TTBK2: variants seen among roughly 807,000 people sequenced by gnomAD.
TTBK2 encodes the protein tau tubulin kinase 2.
In TTBK2, 28 loss-of-function variants were observed where a neutral mutation model predicts 110.8. The ratio of observed to expected loss-of-function variants is 0.25; its 90% CI spans 0.19 to 0.35. The LOEUF is 0.35. Ranked by LOEUF, TTBK2 falls within the 10% of genes least tolerant of loss-of-function variation. The pLI is 1.00. For synonymous variants in TTBK2, 532 were observed against 527.3 expected (o/e 1.01, Z -0.12); for missense variants, 1,369 against 1,500.3 (o/e 0.91, Z 1.45).
intron 3 of TTBK2, among the ~76,000 whole-genome samples, chr15:42,869,004 C>T (rs1276329829): frequency 6.6e-6 from 1 of 151,962 alleles, no homozygotes; most frequent in Non-Finnish European, 1.5e-5. Context: ...TCCTGAGGAA[C>T]CATCATTTTA....
chr15:42,773,773 T>C (rs1889779910), intron 13 of TTBK2, among the ~76,000 whole-genome samples: 1 of 151,714 alleles, frequency 6.6e-6, no homozygotes. Flanking sequence ...AGTGGATGAA[T>C]GGAAAGAGGA....
At chr15:42,872,034 T>A (rs1894634643) in intron 3 of TTBK2, among the ~76,000 whole-genome samples, 2 of 152,146 alleles carry the variant, frequency 1.3e-5, no homozygotes, top group Admixed American at 6.5e-5. Flanking sequence ...TACCACTGGA[T>A]TCATGTCAGA....
chr15:42,799,593 C>G (rs1891091636), intron 9 of TTBK2, among the ~76,000 whole-genome samples: 1 of 151,996 alleles, frequency 6.6e-6, no homozygotes, highest in Non-Finnish European at 1.5e-5. Context: ...CCACCACGCC[C>G]AGCTAAATTT....
rs550845568 is a variant in TTBK2 at position 42,801,186 on chromosome 15, C to G, written c.823-6385G>C. 118 of 1,434,720 alleles carry G rather than the reference C, an allele frequency of 8.2e-5. 4 individuals carry two copies. The highest frequency in any genetic ancestry group is 3.2e-4 in the South Asian group (28 of 87,430). The allele number at this position is 1,434,720 out of a possible 1,614,324, so 88.9% of individuals were successfully genotyped here. ...GCTGCTGGTGGTCTTCATATGGATA[C>G]TCATGTTCTGCATCCCAGACTCCAG... On this transcript the variant is annotated intron_variant, in intron 9 of 14. Transcript: ENST00000267890.
At chr15:42,769,895 C>T (rs534014731) in intron 13 of TTBK2, among the ~76,000 whole-genome samples, 5 of 152,144 alleles carry the variant, frequency 3.3e-5, no homozygotes, top group Non-Finnish European at 7.3e-5. Context: ...AAATGTGGCA[C>T]ATATACACCA....
rs2061763302 is a variant in TTBK2, at chr15:42,743,786, C to T, written c.*2009G>A. On this transcript the variant is annotated 3_prime_UTR_variant, in exon 15 of 15. Transcript: ENST00000267890. ...TCTTGGCTTGTTAAATACTGCCCAC[C>T]CTTGCATTGTACACAGGGAAGGCAA... The T allele has an allele frequency of 6.6e-6, 1 of 152,076 alleles. No individual in the cohort carries two copies. The highest frequency in any genetic ancestry group is 6.6e-5 in the Admixed American group (1 of 15,262). 9.4% of individuals were successfully genotyped at this position (152,076 alleles called of 1,614,324 possible).
intron 9 of TTBK2, among the ~76,000 whole-genome samples, chr15:42,795,490 ATTATAGCTT>A (rs1890896918): frequency 6.6e-6 from 1 of 152,048 alleles, no homozygotes; most frequent in African/African-American, 2.4e-5. Flanking sequence ...CAATTTTATG[ATTATAGCTT>A]TATTCTCTCC....
At chr15:42,854,691 C>T (rs1236945655) in intron 3 of TTBK2, among the ~76,000 whole-genome samples, 1 of 151,624 alleles carries the variant, frequency 6.6e-6, no homozygotes, top group Non-Finnish European at 1.5e-5. Flanking sequence ...ATGAAAATTT[C>T]CTGGAAGATC....
At chr15:42,810,874 G>A in intron 8 of TTBK2, 135 bp from the exon 9 acceptor site, 1 of 1,003,648 alleles carries the variant, frequency 1.0e-6, no homozygotes. Flanking sequence ...CAAGAACTGA[G>A]CTCTTACTAA....
intron 6 of TTBK2, among the ~76,000 whole-genome samples, 172 bp from the exon 7 acceptor site, chr15:42,817,269 A>T (rs1175658902): frequency 6.6e-6 from 1 of 151,890 alleles, no homozygotes; most frequent in Non-Finnish European, 1.5e-5. Context: ...GATTATCTCT[A>T]AATCACATCT....
At chr15:42,900,829 T>C (rs2029950139) in intron 1 of TTBK2, among the ~76,000 whole-genome samples, 1 of 152,144 alleles carries the variant, frequency 6.6e-6, no homozygotes, top group Non-Finnish European at 1.5e-5. Flanking sequence ...ATTTTTACAA[T>C]TAGAAGGAAA....
chr15:42,795,577 A>ACC (rs1399267119), intron 9 of TTBK2, among the ~76,000 whole-genome samples: 1 of 152,084 alleles, frequency 6.6e-6, no homozygotes, highest in Non-Finnish European at 1.5e-5. Context: ...CCTGCCCCAG[A>ACC]CCTGAAATCA....
chr15:42,835,561 T>C (rs1892951567), intron 4 of TTBK2, among the ~76,000 whole-genome samples: 1 of 151,974 alleles, frequency 6.6e-6, no homozygotes, highest in Non-Finnish European at 1.5e-5. Flanking sequence ...AACCAATTGA[T>C]TAAAAGAGGC....
At position 42,745,618 on chromosome 15, in the gene TTBK2, G is replaced by A. The variant is rs987307398; in HGVS notation, c.*177C>T. The A allele has an allele frequency of 1.6e-5, 12 of 769,952 alleles. No individual in the cohort carries two copies. Among genetic ancestry groups the A allele is most frequent in the Admixed American group, 6.7e-5 (3 of 44,958 alleles). The allele number at this position is 769,952 out of a possible 1,614,324, so 47.7% of individuals were successfully genotyped here. A position where few individuals can be genotyped will look rare whatever the true frequency, so the allele number is the denominator to read the frequency against. ...GACATTGATTCCTAATCTACTTGCT[G>A]CCTGCCTTAGGTAATTCCTTATCAT... On this transcript the variant is annotated 3_prime_UTR_variant, in exon 15 of 15. Coordinates refer to ENST00000267890, the MANE Select transcript of TTBK2 (RefSeq NM_173500.4).
At chr15:42,801,757 G>A in intron 9 of TTBK2, 1 of 822,304 alleles carries the variant, frequency 1.2e-6, no homozygotes, top group Non-Finnish European at 2.1e-6. Context: ...GCTGATCTTG[G>A]CAGTCAGCTC....
chr15:42,891,528 G>GA (rs879344142), intron 1 of TTBK2, among the ~76,000 whole-genome samples: 168 of 141,572 alleles, frequency 1.2e-3, no homozygotes, highest in Middle Eastern at 3.6e-3. Flanking sequence ...GGATAAAAAA[G>GA]AAAAAAAAAA....
chr15:42,854,475 A>G (rs551382224), intron 3 of TTBK2, among the ~76,000 whole-genome samples: 1 of 152,316 alleles, frequency 6.6e-6, no homozygotes, highest in East Asian at 1.9e-4. Context: ...TATTGAGTTC[A>G]AAGTCATTCT....
At chr15:42,890,373 G>T (rs560323051) in intron 1 of TTBK2, among the ~76,000 whole-genome samples, 1 of 152,310 alleles carries the variant, frequency 6.6e-6, no homozygotes, top group Admixed American at 6.5e-5. Context: ...TCCATATGTT[G>T]TGAGGGTAGT....
intron 13 of TTBK2, among the ~76,000 whole-genome samples, chr15:42,757,118 T>A (rs144043853): frequency 6.6e-6 from 1 of 152,150 alleles, no homozygotes; most frequent in Non-Finnish European, 1.5e-5. Flanking sequence ...TTATTATTAT[T>A]ATTTTTAGAG....
Sources: allele counts gnomAD v4.1 joint callset (sites outside exome capture counted in the v4.1 genomes callset), GRCh38; gene constraint gnomAD v4.1.1; transcripts MANE v1.5; gene names NCBI Gene and HGNC (gene_info 2026-07-23, HGNC 2026-07-21).